Variants in GRM7 observed in about 807,000 individuals in gnomAD.
The protein encoded by GRM7 is metabotropic glutamate receptor 7.
Under a neutral mutation model 84.5 loss-of-function variants are expected in GRM7, and 35 were observed. That is an observed-to-expected ratio of 0.41 (90% confidence interval 0.32 to 0.55). GRM7 has a LOEUF of 0.55. Ranked by LOEUF, GRM7 falls within the 20% of genes least tolerant of loss-of-function variation. GRM7 has a pLI of 0.19. For missense variants in GRM7, 1,003 were observed against 1,194.6 expected, an observed-to-expected ratio of 0.84 and a Z score of 2.36; for synonymous variants, 487 against 455.1, an observed-to-expected ratio of 1.07 and a Z score of -0.89.
intron 5 of GRM7, among the ~76,000 whole-genome samples, chr3:7,443,025 C>A (rs910809204): frequency 6.0e-5 from 9 of 150,692 alleles, no homozygotes; most frequent in African/African-American, 2.2e-4. Context: ...TCCTCATTTT[C>A]TTTTCCATCC....
At chr3:7,563,893 G>GA (rs1353650471) in intron 7 of GRM7, among the ~76,000 whole-genome samples, 2 of 152,188 alleles carry the variant, frequency 1.3e-5, no homozygotes, top group Non-Finnish European at 2.9e-5. Flanking sequence ...TGAACATTAG[G>GA]AAACACCACT....
Position 7,236,713 on chromosome 3 carries a change from C to CA in GRM7, c.737-61969dup, listed in dbSNP as rs1205379986. 3.9e-5 allele frequency among the ~76,000 whole-genome samples: 6 copies of CA among 152,308 alleles called. No individual in the cohort carries two copies. In the East Asian group the frequency reaches 9.7e-4, roughly 25 times the overall value. On this transcript the variant is annotated intron_variant, in intron 2 of 9. Transcript: ENST00000357716. ...ACCCTCACCACAACCAAGAGCCATC[C>CA]AATCACAAGATATGTGAATGATATC...
chr3:7,635,552 A>G (rs1020112793), intron 8 of GRM7, among the ~76,000 whole-genome samples: 2 of 152,216 alleles, frequency 1.3e-5, no homozygotes, highest in Non-Finnish European at 2.9e-5. Flanking sequence ...TTGCCTTTGC[A>G]TGTAGTCTCT....
intron 1 of GRM7, among the ~76,000 whole-genome samples, chr3:6,903,142 T>C (rs888530482): frequency 5.9e-5 from 9 of 152,072 alleles, no homozygotes; most frequent in Admixed American, 4.6e-4. Flanking sequence ...TTGGACCATA[T>C]ACCTTATTAA....
chr3:7,579,309 G>C lies in GRM7; in HGVS notation c.2403G>C (p.Trp801Cys). The C allele has an allele frequency of 6.3e-7, 1 of 1,580,328 alleles. No homozygotes were observed. Among genetic ancestry groups the C allele is most frequent in the Non-Finnish European group, 8.6e-7 (1 of 1,159,964 alleles). ...CTATGTACACGACATGTATAGTATG[G>C]CTTGCCTTCATTCCAATTTTTTTTG... ...GFTMYTTCIV[W>C]LAFIPIFFGT... is the part of the protein sequence containing the mutation. Residue 801 changes from tryptophan to cysteine, a missense_variant, in exon 8 of 10, where the codon TGG becomes TGC. Physicochemically the swap from Trp to Cys is radical, Grantham distance 215. Transcript: ENST00000357716.
At chr3:7,137,922 C>A (rs1345574575) in intron 1 of GRM7, among the ~76,000 whole-genome samples, 1 of 151,968 alleles carries the variant, frequency 6.6e-6, no homozygotes, top group African/African-American at 2.4e-5. Context: ...AACTTGAAGA[C>A]AACACATCAG....
intron 4 of GRM7, among the ~76,000 whole-genome samples, chr3:7,396,796 C>T (rs897017361): frequency 2.6e-5 from 4 of 152,074 alleles, no homozygotes; most frequent in African/African-American, 4.8e-5. Context: ...AATAACTGTG[C>T]TTGGTTTTAG....
At chr3:7,172,555 C>A (rs977043132) in intron 2 of GRM7, among the ~76,000 whole-genome samples, 1 of 139,394 alleles carries the variant, frequency 7.2e-6, no homozygotes, top group Non-Finnish European at 1.6e-5. Flanking sequence ...CCCCCGCCCC[C>A]CCCACATATA....
At chr3:7,446,063 T>C (rs576796932) in intron 5 of GRM7, among the ~76,000 whole-genome samples, 38 of 152,310 alleles carry the variant, frequency 2.5e-4, no homozygotes, top group African/African-American at 8.7e-4. Flanking sequence ...TTACAATAGA[T>C]CCAAACATCA....
intron 1 of GRM7, among the ~76,000 whole-genome samples, chr3:7,134,488 C>A (rs1693709829): frequency 6.6e-6 from 1 of 152,066 alleles, no homozygotes; most frequent in Non-Finnish European, 1.5e-5. Context: ...GGTTTCCTCT[C>A]AGATATTTTA....
chr3:7,441,596 G>A (rs1274686518), intron 5 of GRM7, among the ~76,000 whole-genome samples: 1 of 152,052 alleles, frequency 6.6e-6, no homozygotes, highest in Non-Finnish European at 1.5e-5. Flanking sequence ...TTTTCTTAAA[G>A]AGTTTGTATA....
chr3:7,649,270 C>T lies in GRM7; in HGVS notation c.2452-30779C>T, dbSNP rs188444549. Among the ~76,000 whole-genome samples the T allele has an allele frequency of 3.6e-4, 55 of 152,070 alleles. No homozygotes were observed. In the East Asian group the frequency reaches 8.6e-3, roughly 24 times the overall value. The stretch of plus-strand genomic sequence containing the variant: ...ATTTTTAGTAGAGACGGGGTTTCAC[C>T]GTGTTAGCCAGGATAGTCCCGATCT... On this transcript the variant is annotated intron_variant, in intron 8 of 9. Coordinates refer to ENST00000357716, the MANE Select transcript of GRM7 (RefSeq NM_000844.4).
chr3:7,281,929 A>G (rs993896816), intron 2 of GRM7, among the ~76,000 whole-genome samples: 3 of 152,216 alleles, frequency 2.0e-5, no homozygotes, highest in Non-Finnish European at 4.4e-5. Context: ...AAAATACAGA[A>G]GAAATTAGCC....
At chr3:7,449,941 AAATT>A (rs923887463) in intron 5 of GRM7, among the ~76,000 whole-genome samples, 5 of 152,272 alleles carry the variant, frequency 3.3e-5, no homozygotes, top group African/African-American at 1.2e-4. Context: ...TATTAACAGA[AAATT>A]AAATCAATGC....
At position 7,100,879 on chromosome 3, in the gene GRM7, T is replaced by G. The variant is rs957126262; in HGVS notation, c.520-45573T>G. Among the ~76,000 whole-genome samples, 14 of 151,946 alleles carry G rather than the reference T, an allele frequency of 9.2e-5. No individual in the cohort carries two copies. In the East Asian group the frequency reaches 1.7e-3, roughly 19 times the overall value. ...CTTGCAATCTCTTGTATCTGGATTT[T>G]TTTGCTTAACATGTTTTTGAGATTC... On this transcript the variant is annotated intron_variant, in intron 1 of 9. Coordinates refer to ENST00000357716, the MANE Select transcript of GRM7 (RefSeq NM_000844.4).
chr3:7,076,785 T>A (rs1574869317), intron 1 of GRM7, among the ~76,000 whole-genome samples: 1 of 152,004 alleles, frequency 6.6e-6, no homozygotes, highest in East Asian at 1.9e-4. Flanking sequence ...ATCATCAGAG[T>A]GAACAGGCAA....
chr3:7,005,335 C>G (rs961598122), intron 1 of GRM7, among the ~76,000 whole-genome samples: 1 of 152,286 alleles, frequency 6.6e-6, no homozygotes, highest in African/African-American at 2.4e-5. Flanking sequence ...TCCCCAGCTA[C>G]CTGGGATTCA....
rs529039017 is a variant in GRM7, at chr3:7,390,924, A to AT, written c.1034-24092dup. 6.4e-3 allele frequency among the ~76,000 whole-genome samples: 969 copies of AT among 151,846 alleles called. 6 individuals carry two copies. The highest frequency in any genetic ancestry group is 9.0e-3 in the Non-Finnish European group (613 of 67,906). On this transcript the variant is annotated intron_variant, in intron 4 of 9. Transcript: ENST00000357716. ...TTGGAGGTGACAAAACACTCTGGCTATTTTTTTAATTGCCAGCATTCTTGT... is the reference window on the plus strand; with the variant it reads ...TTGGAGGTGACAAAACACTCTGGCTATTTTTTTTAATTGCCAGCATTCTTGT...
At chr3:7,727,374 T>G (rs1702165868) in intron 9 of GRM7, among the ~76,000 whole-genome samples, 1 of 152,204 alleles carries the variant, frequency 6.6e-6, no homozygotes, top group Non-Finnish European at 1.5e-5. Context: ...AATCATAGAT[T>G]GACTAAATTT....
Sources: allele counts gnomAD v4.1 joint callset (sites outside exome capture counted in the v4.1 genomes callset), GRCh38; gene constraint gnomAD v4.1.1; transcripts MANE v1.5; gene names NCBI Gene and HGNC (gene_info 2026-07-23, HGNC 2026-07-21).